The following MRTFB variants were observed in gnomAD, a reference collection of about 807,000 sequenced individuals.
MRTFB encodes the protein myocardin-related transcription factor B.
A neutral mutation model predicts 104.2 loss-of-function variants in MRTFB; 29 were observed. The ratio of observed to expected loss-of-function variants is 0.28; its 90% CI spans 0.21 to 0.38. The LOEUF is 0.38. Among genes scored for constraint, MRTFB ranks in the 10% least tolerant of loss-of-function variants. MRTFB has a pLI of 1.00. For missense variants in MRTFB, 1,270 were observed against 1,341.6 expected (o/e 0.95, Z 0.83); for synonymous variants, 535 against 519.5 (o/e 1.03, Z -0.41).
At chr16:14,031,893 C>T in the MRTFB span, among the ~76,000 whole-genome samples, 12 of 152,096 alleles carry the variant, frequency 7.9e-5, no homozygotes, top group Non-Finnish European at 1.6e-4. Context: ...CTGCAACCTC[C>T]GTCTCCCGGG....
the MRTFB span, among the ~76,000 whole-genome samples, chr16:14,027,220 G>T: frequency 6.6e-6 from 1 of 152,098 alleles, no homozygotes; most frequent in East Asian, 1.9e-4. Context: ...ACTAATGATA[G>T]ATTCAACAAT....
chr16:14,228,733 T>C (rs889416051), intron 8 of MRTFB, among the ~76,000 whole-genome samples: 8 of 152,356 alleles, frequency 5.3e-5, no homozygotes, highest in African/African-American at 1.9e-4. Flanking sequence ...GTTGGAATAG[T>C]ATTCAGCCTT....
chr16:14,086,213 A>C (rs2141918946), intron 2 of MRTFB, among the ~76,000 whole-genome samples: 2 of 152,290 alleles, frequency 1.3e-5, no homozygotes, highest in South Asian at 4.1e-4. Context: ...CCTGTCTTTT[A>C]AGCCTTTCTG....
intron 10 of MRTFB, 173 bp downstream of exon 10, chr16:14,240,657 C>A: frequency 9.0e-7 from 1 of 1,106,628 alleles, no homozygotes; most frequent in Non-Finnish European, 1.4e-6. Flanking sequence ...TGAGAGTGGC[C>A]TGCATTCCAT....
At position 14,187,139 on chromosome 16, in the gene MRTFB, C is replaced by T. The variant is rs1230433905; in HGVS notation, c.155-23104C>T. 3.4e-6 allele frequency: 3 copies of T among 876,482 alleles called. No homozygotes were observed. The East Asian group carries it at 8.0e-5, about 23-fold the overall frequency. The allele number at this position is 876,482 out of a possible 1,614,324, so 54.3% of individuals were successfully genotyped here. ...ATGCTATGTGTCTGCTCTCTCTGTT[C>T]ACTCATGTACCTTACACATTCTAAG... On this transcript the variant is annotated intron_variant, in intron 3 of 16. Transcript: ENST00000571589.
intron 3 of MRTFB, among the ~76,000 whole-genome samples, chr16:14,175,646 C>G (rs945012786): frequency 3.9e-5 from 6 of 152,086 alleles, no homozygotes; most frequent in African/African-American, 1.4e-4. Context: ...AATATCTACA[C>G]AAAGATTAAT....
chr16:14,198,245 C>A lies in MRTFB; in HGVS notation c.155-11998C>A, dbSNP rs116139325. On this transcript the variant is annotated intron_variant, in intron 3 of 16. Coordinates refer to ENST00000571589, the MANE Select transcript of MRTFB (RefSeq NM_001308142.2). ...CATTCATCTGTTGATGACATTTGGG[C>A]AGTTTCTGCCTCTTGGCTATTGTGA... Among the ~76,000 whole-genome samples, 832 of 152,272 alleles carry A rather than the reference C, an allele frequency of 5.5e-3. 7 individuals are homozygous for A. Among genetic ancestry groups the A allele is most frequent in the African/African-American group, 0.019 (794 of 41,560 alleles).
chr16:14,246,762 C>G lies in MRTFB; in HGVS notation c.1502C>G (p.Ser501Cys), dbSNP rs1199474915. The G allele has an allele frequency of 5.6e-6, 9 of 1,614,124 alleles. No homozygotes were observed. Among genetic ancestry groups the G allele is most frequent in the Non-Finnish European group, 6.8e-6 (8 of 1,180,028 alleles). The change falls in exon 12 of 17, where the codon TCC becomes TGC. Residue 501 changes from serine to cysteine, a missense_variant. Physicochemically the swap from Ser to Cys is moderately radical, Grantham distance 112 (BLOSUM62 -1). Transcript: ENST00000571589. Reference protein sequence around the residue: ...SNATRVENVHSPLPISPSPSE... With the variant: ...SNATRVENVHCPLPISPSPSE... Reference sequence around the variant, plus strand: ...GCAACCCGTGTGGAAAATGTTCATTCCCCTCTGCCCATTTCACCATCTCCC... The same window carrying G: ...GCAACCCGTGTGGAAAATGTTCATTGCCCTCTGCCCATTTCACCATCTCCC...
At chr16:14,023,372 G>A in the MRTFB span, among the ~76,000 whole-genome samples, 1 of 152,092 alleles carries the variant, frequency 6.6e-6, no homozygotes, top group African/African-American at 2.4e-5. Flanking sequence ...TTGAGCCCAG[G>A]AGGTCGAGGC....
intron 13 of MRTFB, among the ~76,000 whole-genome samples, chr16:14,251,402 C>G (rs1214643506): frequency 2.8e-5 from 4 of 141,420 alleles, no homozygotes; most frequent in African/African-American, 1.1e-4. Context: ...AAAAAAAAGA[C>G]TTGAGAGTAG....
intron 9 of MRTFB, among the ~76,000 whole-genome samples, chr16:14,236,485 C>T (rs535190503): frequency 9.2e-5 from 14 of 152,292 alleles, no homozygotes; most frequent in African/African-American, 2.9e-4. Context: ...GGTAAACAGA[C>T]AACCAAATAG....
intron 3 of MRTFB, among the ~76,000 whole-genome samples, chr16:14,154,964 A>G (rs1284967674): frequency 6.6e-6 from 1 of 152,204 alleles, no homozygotes; most frequent in Non-Finnish European, 1.5e-5. Flanking sequence ...GATTAGAAGC[A>G]AATTACTCTA....
Position 14,234,044 on chromosome 16 carries a change from T to C in MRTFB, c.694-102T>C, listed in dbSNP as rs185926217. On this transcript the variant is annotated intron_variant, in intron 8 of 16. Transcript: ENST00000571589. ...TCATATATTTTTCCTTTGCTTCTTT[T>C]CTAGTGGGCTTAAAAACCAGGTCAT... 8.9e-5 allele frequency: 127 copies of C among 1,432,606 alleles called. No individual in the cohort carries two copies. The African/African-American group carries it at 1.7e-3, about 19-fold the overall frequency. The allele number at this position is 1,432,606 out of a possible 1,614,324, so 88.7% of individuals were successfully genotyped here. A position where few individuals can be genotyped will look rare whatever the true frequency, so the allele number is the denominator to read the frequency against.
At chr16:14,208,873 A>C (rs1388106936) in intron 3 of MRTFB, among the ~76,000 whole-genome samples, 1 of 152,170 alleles carries the variant, frequency 6.6e-6, no homozygotes, top group Non-Finnish European at 1.5e-5. Flanking sequence ...TTTTTAAAGA[A>C]ATTTTATTTC....
intron 2 of MRTFB, among the ~76,000 whole-genome samples, chr16:14,108,173 G>A (rs187881351): frequency 3.3e-5 from 5 of 152,314 alleles, no homozygotes; most frequent in East Asian, 3.9e-4. Context: ...TGCTGGGCCC[G>A]ATGCTAGATG....
intron 3 of MRTFB, among the ~76,000 whole-genome samples, chr16:14,170,942 C>A (rs916186974): frequency 6.6e-6 from 1 of 152,016 alleles, no homozygotes; most frequent in Non-Finnish European, 1.5e-5. Context: ...AGTTTTTGTT[C>A]TTCCTCCTTT....
intron 2 of MRTFB, among the ~76,000 whole-genome samples, chr16:14,116,289 T>C (rs953291190): frequency 1.3e-5 from 2 of 152,188 alleles, no homozygotes; most frequent in Non-Finnish European, 2.9e-5. Context: ...CTAACTCATC[T>C]ATTTTTCAGG....
chr16:14,173,592 C>G (rs1380517618), intron 3 of MRTFB, among the ~76,000 whole-genome samples: 1 of 152,070 alleles, frequency 6.6e-6, no homozygotes, highest in Admixed American at 6.6e-5. Flanking sequence ...TTATGTTTTT[C>G]AGATTCAAAG....
chr16:14,192,251 G>A (rs2040220457), intron 3 of MRTFB, among the ~76,000 whole-genome samples: 2 of 151,882 alleles, frequency 1.3e-5, no homozygotes, highest in Non-Finnish European at 1.5e-5. Flanking sequence ...TTATAAGCCT[G>A]TAGGCTTACC....
Sources: gnomAD v4.1 joint callset for allele counts (sites outside exome capture counted in the v4.1 genomes callset) on GRCh38, gnomAD v4.1.1 for gene constraint, MANE v1.5 for transcripts, NCBI Gene and HGNC (gene_info 2026-07-23, HGNC 2026-07-21) for gene names.